PTPRM: variants seen among roughly 807,000 people sequenced by gnomAD.
The protein encoded by PTPRM is receptor-type tyrosine-protein phosphatase mu.
PTPRM carries 47 observed loss-of-function variants against 186.7 expected under a neutral mutation model. That is an observed-to-expected ratio of 0.25 (90% CI 0.20 to 0.32). The LOEUF is 0.32. PTPRM is among the 10% of genes least tolerant of loss of function. The pLI is 1.00. For missense variants in PTPRM, 1,494 were observed against 1,865.0 expected (o/e 0.80, Z 3.66); for synonymous variants, 668 against 674.9 (o/e 0.99, Z 0.16).
chr18:7,645,544 G>T (rs1206598908), intron 1 of PTPRM, among the ~76,000 whole-genome samples: 1 of 152,180 alleles, frequency 6.6e-6, no homozygotes, highest in Non-Finnish European at 1.5e-5. Context: ...AATGGGCCTT[G>T]GTTGTTGCAA....
rs114019878 is a variant in PTPRM at position 7,989,828 on chromosome 18, G to C, written c.1132+34414G>C. ...TTCACCTCTCACGGGCCTCACCTTT[G>C]CTCGCTTCTTTTGTGAAGCTCTTCA... On this transcript the variant is annotated intron_variant, in intron 7 of 32. Coordinates refer to ENST00000580170, the MANE Select transcript of PTPRM (RefSeq NM_001105244.2). 5.4e-3 allele frequency among the ~76,000 whole-genome samples: 828 copies of C among 152,170 alleles called. 6 individuals are homozygous for C. The highest frequency in any genetic ancestry group is 0.019 in the African/African-American group (790 of 41,520).
At chr18:7,877,730 C>T (rs1358301643) in intron 2 of PTPRM, among the ~76,000 whole-genome samples, 1 of 152,176 alleles carries the variant, frequency 6.6e-6, no homozygotes, top group African/African-American at 2.4e-5. Flanking sequence ...CTACCAAGCT[C>T]AGGGAGCCCT....
chr18:7,814,971 C>G (rs1568168868), intron 2 of PTPRM: 2 of 152,166 alleles, frequency 1.3e-5, no homozygotes, highest in Non-Finnish European at 2.9e-5. Context: ...TTCAGGAAAC[C>G]AATCATCAGT....
chr18:7,701,449 AAGT>A (rs1030346607), intron 1 of PTPRM, among the ~76,000 whole-genome samples: 1 of 151,460 alleles, frequency 6.6e-6, no homozygotes, highest in Non-Finnish European at 1.5e-5. Flanking sequence ...AAATAAAAAA[AAGT>A]AGCTGGGCGT....
intron 1 of PTPRM, among the ~76,000 whole-genome samples, chr18:7,627,504 G>GTT (rs2038089463): frequency 1.3e-5 from 2 of 152,130 alleles, no homozygotes; most frequent in Non-Finnish European, 2.9e-5. Flanking sequence ...TTATCCTCAT[G>GTT]TTTCAGGACC....
At chr18:7,643,193 T>C (rs1351968964) in intron 1 of PTPRM, among the ~76,000 whole-genome samples, 1 of 152,168 alleles carries the variant, frequency 6.6e-6, no homozygotes, top group Admixed American at 6.5e-5. Context: ...GGTGCTCTCT[T>C]TCAATTACTT....
At chr18:7,917,582 G>A (rs1421868520) in intron 4 of PTPRM, among the ~76,000 whole-genome samples, 6 of 152,086 alleles carry the variant, frequency 3.9e-5, no homozygotes, top group Admixed American at 3.9e-4. Context: ...GTGCATATTT[G>A]GGGGTACATG....
intron 1 of PTPRM, among the ~76,000 whole-genome samples, chr18:7,739,810 ATCT>A (rs1191674215): frequency 2.0e-5 from 3 of 152,192 alleles, no homozygotes; most frequent in African/African-American, 4.8e-5. Context: ...GGGTTGCATC[ATCT>A]TTGATTTTCT....
chr18:8,030,183 C>T (rs575882108), intron 7 of PTPRM, among the ~76,000 whole-genome samples: 45 of 152,184 alleles, frequency 3.0e-4, no homozygotes, highest in Non-Finnish European at 6.3e-4. Context: ...CATCTTTATT[C>T]ACATAGTCCA....
chr18:7,856,000 G>T (rs995912188), intron 2 of PTPRM, among the ~76,000 whole-genome samples: 4 of 152,164 alleles, frequency 2.6e-5, no homozygotes, highest in Non-Finnish European at 4.4e-5. Flanking sequence ...AAATGGGTAT[G>T]ATAACACTTG....
At chr18:7,996,378 A>G (rs1003235554) in intron 7 of PTPRM, among the ~76,000 whole-genome samples, 2 of 152,122 alleles carry the variant, frequency 1.3e-5, no homozygotes, top group Non-Finnish European at 2.9e-5. Flanking sequence ...AAGTCTCTCA[A>G]TGAACTTGGA....
intron 32 of PTPRM, chr18:8,403,253 T>C (rs2095881847): frequency 6.6e-6 from 1 of 152,202 alleles, no homozygotes; most frequent in Non-Finnish European, 1.5e-5. Context: ...AAAGGTAGGA[T>C]TCACATCATG....
chr18:7,695,678 G>T (rs2039828098), intron 1 of PTPRM, among the ~76,000 whole-genome samples: 1 of 150,640 alleles, frequency 6.6e-6, no homozygotes, highest in African/African-American at 2.4e-5. Flanking sequence ...CTTTCATATA[G>T]AATTATCTGC....
At chr18:8,106,522 C>A (rs376509964) in intron 11 of PTPRM, among the ~76,000 whole-genome samples, 5 of 152,244 alleles carry the variant, frequency 3.3e-5, no homozygotes, top group African/African-American at 1.2e-4. Flanking sequence ...TTTGTACAAA[C>A]CCTTATCAGA....
At chr18:8,054,966 G>C (rs1362825787) in intron 7 of PTPRM, among the ~76,000 whole-genome samples, 1 of 151,492 alleles carries the variant, frequency 6.6e-6, no homozygotes, top group African/African-American at 2.4e-5. Flanking sequence ...CTTGTTTTTT[G>C]CCTTCCACTG....
At chr18:7,964,446 T>C (rs967094910) in intron 7 of PTPRM, among the ~76,000 whole-genome samples, 1 of 151,496 alleles carries the variant, frequency 6.6e-6, no homozygotes, top group Non-Finnish European at 1.5e-5. Flanking sequence ...AGTGTTTTTT[T>C]GTTGTTGTTG....
At chr18:8,274,382 T>A (rs1053267037) in intron 19 of PTPRM, among the ~76,000 whole-genome samples, 3 of 152,218 alleles carry the variant, frequency 2.0e-5, no homozygotes, top group Non-Finnish European at 4.4e-5. Flanking sequence ...AATGCTTTTT[T>A]AAAAATCTGC....
At chr18:8,288,600 G>C (rs902489685) in intron 19 of PTPRM, among the ~76,000 whole-genome samples, 29 of 152,318 alleles carry the variant, frequency 1.9e-4, no homozygotes, top group African/African-American at 6.7e-4. Context: ...CTTGTCCAAG[G>C]AATGTTCAGC....
At chr18:8,038,861 G>T (rs532267719) in intron 7 of PTPRM, among the ~76,000 whole-genome samples, 55 of 152,236 alleles carry the variant, frequency 3.6e-4, no homozygotes, top group African/African-American at 1.3e-3. Flanking sequence ...ATTGAAGTAC[G>T]CACATAGCCA....
Sources: allele counts gnomAD v4.1 joint callset (sites outside exome capture counted in the v4.1 genomes callset), GRCh38; gene constraint gnomAD v4.1.1; transcripts MANE v1.5; gene names NCBI Gene and HGNC (gene_info 2026-07-23, HGNC 2026-07-21).